The following CEP57L1 variants were observed in gnomAD, a reference collection of about 807,000 sequenced individuals.
CEP57L1 encodes the protein centrosomal protein 57 like 1, also known as centrosomal protein CEP57L1.
Under a neutral mutation model 61.0 loss-of-function variants are expected in CEP57L1, and 37 were observed. The ratio of observed to expected loss-of-function variants is 0.61; its 90% CI spans 0.47 to 0.80. CEP57L1 has a LOEUF of 0.80. CEP57L1 is among the 30% of genes least tolerant of loss of function. The probability of loss-of-function intolerance (pLI) is 0.00; values close to 1 mark genes in which losing one functional copy is unlikely to be tolerated. For missense variants in CEP57L1, 422 were observed against 524.7 expected (o/e 0.80, Z 1.91); for synonymous variants, 137 against 162.3 (o/e 0.84, Z 1.19).
intron 4 of CEP57L1, among the ~76,000 whole-genome samples, chr6:109,151,961 G>A (rs925453088): frequency 6.6e-6 from 1 of 151,726 alleles, no homozygotes; most frequent in African/African-American, 2.4e-5. Flanking sequence ...ATGTTGCTAA[G>A]TATTTTTTTT....
At chr6:109,160,206 G>T (rs564058082) in intron 9 of CEP57L1, among the ~76,000 whole-genome samples, 58 of 152,224 alleles carry the variant, frequency 3.8e-4, no homozygotes, top group Non-Finnish European at 7.1e-4. Context: ...AATTTTTCAG[G>T]CAGATACTTC....
In CEP57L1 at chr6:109,099,078, A is replaced by G. The variant is rs77569725; in HGVS notation, c.-4+3503A>G. 5.8e-3 allele frequency among the ~76,000 whole-genome samples: 891 copies of G among 152,330 alleles called. 6 individuals are homozygous for G. Among genetic ancestry groups the G allele is most frequent in the African/African-American group, 0.02 (839 of 41,568 alleles). ...GAGAGAGAGGAAAGGTTGGTATTTTAGCTTGGCCACGTTAAGTTTGAGATG... is the reference window on the plus strand; with the variant it reads ...GAGAGAGAGGAAAGGTTGGTATTTTGGCTTGGCCACGTTAAGTTTGAGATG... On this transcript the variant is annotated intron_variant, in intron 1 of 10. Transcript: ENST00000517392.
At chr6:109,110,216 T>C (rs1725850489) in intron 1 of CEP57L1, among the ~76,000 whole-genome samples, 1 of 152,218 alleles carries the variant, frequency 6.6e-6, no homozygotes, top group African/African-American at 2.4e-5. Context: ...TTCCTGACTT[T>C]TTAAATGATT....
intron 1 of CEP57L1, among the ~76,000 whole-genome samples, chr6:109,107,647 G>A (rs542583182): frequency 2.0e-5 from 3 of 152,218 alleles, no homozygotes; most frequent in Middle Eastern, 3.4e-3. Flanking sequence ...TTCAGTAAAA[G>A]TTCATATTTG....
At chr6:109,149,776 G>T (rs1772389135) in intron 3 of CEP57L1, among the ~76,000 whole-genome samples, 1 of 151,922 alleles carries the variant, frequency 6.6e-6, no homozygotes, top group African/African-American at 2.4e-5. Flanking sequence ...CCATTTGTTT[G>T]TATCCTCTTT....
intron 1 of CEP57L1, among the ~76,000 whole-genome samples, chr6:109,104,393 C>T (rs930852076): frequency 1.3e-5 from 2 of 152,012 alleles, no homozygotes; most frequent in Admixed American, 6.5e-5. Context: ...GCCATTTTCT[C>T]TAGGGTTCAC....
chr6:109,100,672 CAAAAAAA>C (rs539993641), intron 1 of CEP57L1, among the ~76,000 whole-genome samples: 150 of 74,056 alleles, frequency 2.0e-3, no homozygotes, highest in Non-Finnish European at 3.1e-3. Context: ...GAGATTGTCT[CAAAAAAA>C]AAAAAAAAAA....
At chr6:109,100,917 G>T (rs1782312179) in intron 1 of CEP57L1, among the ~76,000 whole-genome samples, 1 of 151,974 alleles carries the variant, frequency 6.6e-6, no homozygotes, top group African/African-American at 2.4e-5. Context: ...GACCATCCTG[G>T]CCAACATGGT....
intron 1 of CEP57L1, among the ~76,000 whole-genome samples, chr6:109,136,159 C>T (rs147037731): frequency 0.12 from 17,845 of 152,120 alleles, 1,141 homozygotes; most frequent in Middle Eastern, 0.21. Context: ...AGACTTAGAA[C>T]CAACCCAAAT....
chr6:109,114,004 C>T (rs1166026979), intron 1 of CEP57L1, among the ~76,000 whole-genome samples: 1 of 151,918 alleles, frequency 6.6e-6, no homozygotes, highest in East Asian at 1.9e-4. Context: ...GTGAATAATG[C>T]TGCAGTGAAC....
intron 3 of CEP57L1, among the ~76,000 whole-genome samples, chr6:109,149,603 C>T (rs1772364278): frequency 6.6e-6 from 1 of 151,644 alleles, no homozygotes; most frequent in African/African-American, 2.4e-5. Context: ...GCAATGCGGG[C>T]TCTTTTTTGG....
At chr6:109,103,239 T>G (rs938509218) in intron 1 of CEP57L1, among the ~76,000 whole-genome samples, 4 of 152,192 alleles carry the variant, frequency 2.6e-5, no homozygotes, top group Admixed American at 6.5e-5. Flanking sequence ...ATTTACTGTA[T>G]AGTAGCATAA....
chr6:109,159,389 A>G lies in CEP57L1; in HGVS notation c.943A>G (p.Lys315Glu), dbSNP rs758897354. 2 of 1,614,014 alleles carry G rather than the reference A, an allele frequency of 1.2e-6. No homozygotes were observed. Among genetic ancestry groups the G allele is most frequent in the South Asian group, 2.2e-5 (2 of 91,078 alleles). ...WCKAIPPDSE[K>E]SISICDNLSE... ...TAAAGCTATTCCTCCTGACTCAGAA[A>G]AGTCCATTTCCATTTGTGACAATTT... Residue 315 changes from lysine (K) to glutamate (E), a missense_variant, in exon 9 of 11, where the codon AAG (lysine) becomes GAG (glutamate). By Grantham distance (56) the Lys-to-Glu change is moderately conservative (BLOSUM62 1). Coordinates refer to ENST00000517392, the MANE Select transcript of CEP57L1 (RefSeq NM_001271852.3).
chr6:109,110,233 C>G (rs1337407270), intron 1 of CEP57L1, among the ~76,000 whole-genome samples: 2 of 152,188 alleles, frequency 1.3e-5, no homozygotes, highest in African/African-American at 2.4e-5. Context: ...GATTGCCATT[C>G]TAACTGGCAT....
intron 1 of CEP57L1, among the ~76,000 whole-genome samples, chr6:109,125,524 AT>A (rs5879014): frequency 0.079 from 11,351 of 142,938 alleles, 521 homozygotes; most frequent in Middle Eastern, 0.19. Context: ...ATATATATAT[AT>A]TTTTTTTTTA....
At chr6:109,128,668 C>A (rs1773843216) in intron 1 of CEP57L1, among the ~76,000 whole-genome samples, 2 of 152,142 alleles carry the variant, frequency 1.3e-5, no homozygotes, top group African/African-American at 4.8e-5. Context: ...TGTGGCATGG[C>A]CCTTATGCAT....
rs182604286 is a variant in CEP57L1 at position 109,111,993 on chromosome 6, G to A, written c.-4+16418G>A. Among the ~76,000 whole-genome samples the A allele has an allele frequency of 1.7e-3, 253 of 152,168 alleles. 2 individuals carry two copies. Among genetic ancestry groups the A allele is most frequent in the East Asian group, 6.6e-3 (34 of 5,180 alleles). On this transcript the variant is annotated intron_variant, in intron 1 of 10. Coordinates refer to ENST00000517392, the MANE Select transcript of CEP57L1 (RefSeq NM_001271852.3). ...TATTGGCCTGAAATTTTCTTTTTTTGTTGTGTCTCTGCCAGGTTTTGGTAT... is the reference window on the plus strand; with the variant it reads ...TATTGGCCTGAAATTTTCTTTTTTTATTGTGTCTCTGCCAGGTTTTGGTAT...
chr6:109,109,987 C>G (rs947673133), intron 1 of CEP57L1, among the ~76,000 whole-genome samples: 2 of 152,162 alleles, frequency 1.3e-5, no homozygotes, highest in Admixed American at 1.3e-4. Flanking sequence ...GTGAACAGTG[C>G]CGCAGTAAAC....
intron 5 of CEP57L1, among the ~76,000 whole-genome samples, chr6:109,154,855 G>T (rs1452412804): frequency 6.6e-6 from 1 of 151,940 alleles, no homozygotes; most frequent in African/African-American, 2.4e-5. Context: ...GCAAATAGTA[G>T]AATTTTTTTT....
Sources: allele counts gnomAD v4.1 joint callset (sites outside exome capture counted in the v4.1 genomes callset), GRCh38; gene constraint gnomAD v4.1.1; transcripts MANE v1.5; gene names NCBI Gene and HGNC (gene_info 2026-07-23, HGNC 2026-07-21).